Variants in AHR observed in about 807,000 individuals in gnomAD.
The protein encoded by AHR is AH-receptor.
AHR carries 40 observed loss-of-function variants against 86.8 expected under a neutral mutation model. The observed-to-expected ratio is 0.46, with a 90% CI of 0.36 to 0.60. The LOEUF (loss-of-function observed/expected upper bound fraction) is 0.60. AHR is among the 20% of genes least tolerant of loss of function. AHR has a pLI of 0.00. For synonymous variants in AHR, 398 were observed against 354.9 expected (o/e 1.12, Z -1.37); for missense variants, 1,001 against 1,011.6 (o/e 0.99, Z 0.14).
In AHR at chr7:17,324,476, T is replaced by C. The variant is rs541199288; in HGVS notation, c.360+1869T>C. Among the ~76,000 whole-genome samples the C allele has an allele frequency of 5.3e-5, 8 of 152,310 alleles. 1 individual carries two copies. The South Asian group carries it at 1.7e-3, about 32-fold the overall frequency. On this transcript the variant is annotated intron_variant, in intron 3 of 10. Coordinates refer to ENST00000242057, the MANE Select transcript of AHR (RefSeq NM_001621.5). ...TTTGAGGAGAAATATTTTCCTTTGCTTAACAAAGGCATATGAAGAAAATGT... is the reference window on the plus strand; with the variant it reads ...TTTGAGGAGAAATATTTTCCTTTGCCTAACAAAGGCATATGAAGAAAATGT...
chr7:17,333,322 T>G (rs1233777690), intron 6 of AHR, among the ~76,000 whole-genome samples: 1 of 151,952 alleles, frequency 6.6e-6, no homozygotes, highest in Non-Finnish European at 1.5e-5. Context: ...TTGATATTGT[T>G]TTAAGCAATT....
At chr7:17,334,252 G>A in intron 7 of AHR, 138 bp downstream of exon 7, 1 of 734,062 alleles carries the variant, frequency 1.4e-6, no homozygotes, top group Non-Finnish European at 2.1e-6. Flanking sequence ...TTCCAGTGTA[G>A]CCTTTTACAG....
At chr7:17,340,287 T>C (rs755415578) in intron 10 of AHR, 59 bp downstream of exon 10, 42 of 1,506,858 alleles carry the variant, frequency 2.8e-5, no homozygotes, top group Middle Eastern at 1.8e-4. Context: ...CTTATAGACA[T>C]GTTACACATT....
At position 17,298,666 on chromosome 7, in the gene AHR, C is replaced by T. The variant is rs1233144877; in HGVS notation, c.-599C>T. The T allele has an allele frequency of 1.0e-5, 4 of 395,104 alleles. No homozygotes were observed. Among genetic ancestry groups the T allele is most frequent in the Non-Finnish European group, 1.8e-5 (4 of 224,310 alleles). 24.5% of individuals were successfully genotyped at this position (395,104 alleles called of 1,614,324 possible). On this transcript the variant is annotated 5_prime_UTR_variant, in exon 1 of 11. Transcript: ENST00000242057. ...CGGCGGGAGGCAGTGGCTGGGGAGTCCCGTCGACGCTCTGTTCCGAGAGCG... is the reference window on the plus strand; with the variant it reads ...CGGCGGGAGGCAGTGGCTGGGGAGTTCCGTCGACGCTCTGTTCCGAGAGCG...
intron 2 of AHR, among the ~76,000 whole-genome samples, chr7:17,311,835 A>C (rs755441425): frequency 8.5e-5 from 13 of 152,208 alleles, no homozygotes; most frequent in Non-Finnish European, 1.9e-4. Context: ...ACTAGAACTC[A>C]GGTTTCTAGA....
intron 1 of AHR, among the ~76,000 whole-genome samples, chr7:17,306,459 C>T (rs1268657458): frequency 6.6e-6 from 1 of 152,068 alleles, no homozygotes; most frequent in Admixed American, 6.6e-5. Context: ...ACTTCTTAGC[C>T]CTGACCTTAA....
intron 5 of AHR, among the ~76,000 whole-genome samples, chr7:17,330,423 A>G (rs1782274900): frequency 6.6e-6 from 1 of 151,964 alleles, no homozygotes. Flanking sequence ...GAAAAAAGTA[A>G]GCTAGCATAT....
chr7:17,305,339 A>G (rs1020311618), intron 1 of AHR, among the ~76,000 whole-genome samples: 7 of 152,186 alleles, frequency 4.6e-5, no homozygotes, highest in African/African-American at 1.4e-4. Context: ...ATATTCAGAG[A>G]TAAATACGGA....
intron 3 of AHR, among the ~76,000 whole-genome samples, chr7:17,324,311 G>C (rs1005210838): frequency 6.6e-6 from 1 of 152,104 alleles, no homozygotes; most frequent in East Asian, 1.9e-4. Flanking sequence ...AAACATTATA[G>C]ATATGTGGAA....
chr7:17,298,910 A>G lies in AHR; in HGVS notation c.-355A>G, dbSNP rs1223267140. 7 of 411,434 alleles carry G rather than the reference A, an allele frequency of 1.7e-5. No homozygotes were observed. The highest frequency in any genetic ancestry group is 3.0e-5 in the Non-Finnish European group (7 of 234,750). 25.5% of individuals were successfully genotyped at this position (411,434 alleles called of 1,614,324 possible). ...TGAGCGACCCAGGCCAGGATTCTAA[A>G]TAGACGGCCCAGGCTCCTCCTCCGC... is the stretch of plus-strand genomic sequence containing the variant. On this transcript the variant is annotated 5_prime_UTR_variant, in exon 1 of 11. Transcript: ENST00000242057.
intron 2 of AHR, 40 bp from the exon 3 acceptor site, chr7:17,322,461 G>A: frequency 7.4e-7 from 1 of 1,358,888 alleles, no homozygotes; most frequent in Admixed American, 1.8e-5. Flanking sequence ...CTTTACTCTT[G>A]CTTACTTTTA....
intron 1 of AHR, 29 bp downstream of exon 1, chr7:17,299,358 G>A: frequency 6.2e-7 from 1 of 1,608,182 alleles, no homozygotes. Context: ...TCCTCATCGC[G>A]GGGGCTGGGC....
chr7:17,314,900 T>C (rs1332327689), intron 2 of AHR, among the ~76,000 whole-genome samples: 3 of 152,016 alleles, frequency 2.0e-5, no homozygotes, highest in African/African-American at 7.2e-5. Flanking sequence ...CTATCCAAAG[T>C]AGGTTTGTTT....
intron 6 of AHR, among the ~76,000 whole-genome samples, chr7:17,333,435 G>C (rs1314900773): frequency 6.6e-6 from 1 of 151,860 alleles, no homozygotes; most frequent in Non-Finnish European, 1.5e-5. Flanking sequence ...ATGTTTTCAT[G>C]ATGATTCATT....
At chr7:17,322,442 A>G (rs1420714076) in intron 2 of AHR, 59 bp from the exon 3 acceptor site, 5 of 1,129,908 alleles carry the variant, frequency 4.4e-6, no homozygotes, top group Admixed American at 2.1e-5. Flanking sequence ...GAAGTTTTCT[A>G]TTATAGCTCT....
chr7:17,299,506 C>G (rs1004725555), intron 1 of AHR, 177 bp downstream of exon 1: 28 of 713,650 alleles, frequency 3.9e-5, no homozygotes, highest in Middle Eastern at 2.7e-4. Context: ...TGGATTCTCC[C>G]GTTTTCAATG....
rs1781921735 is a variant in AHR at position 17,298,955 on chromosome 7, G to A, written c.-310G>A. ...CTCCGCCCGGGCCGCCTCACCTGCG[G>A]GCATTGCCGCGCCGCCTCCGCCGGT... is the stretch of plus-strand genomic sequence containing the variant. On this transcript the variant is annotated 5_prime_UTR_variant, in exon 1 of 11. Transcript: ENST00000242057. The A allele has an allele frequency of 2.3e-6, 1 of 441,298 alleles. No individual in the cohort carries two copies. The highest frequency in any genetic ancestry group is 2.0e-5 in the African/African-American group (1 of 48,838). The allele number at this position is 441,298 out of a possible 1,614,324, so 27.3% of individuals were successfully genotyped here. A position where few individuals can be genotyped will look rare whatever the true frequency, so the allele number is the denominator to read the frequency against.
chr7:17,326,664 C>T (rs931295808), intron 3 of AHR, among the ~76,000 whole-genome samples: 2 of 152,094 alleles, frequency 1.3e-5, no homozygotes, highest in African/African-American at 4.8e-5. Flanking sequence ...TGATGAAGTG[C>T]CAGTTTTTGA....
chr7:17,313,844 G>A (rs1352634715), intron 2 of AHR, among the ~76,000 whole-genome samples: 1 of 152,008 alleles, frequency 6.6e-6, no homozygotes, highest in Admixed American at 6.6e-5. Flanking sequence ...GATTTGGGTG[G>A]TTACAATCTA....
Sources: allele counts gnomAD v4.1 joint callset (sites outside exome capture counted in the v4.1 genomes callset), GRCh38; gene constraint gnomAD v4.1.1; transcripts MANE v1.5; gene names NCBI Gene and HGNC (gene_info 2026-07-23, HGNC 2026-07-21).